BABAM2: variants seen among roughly 807,000 people sequenced by gnomAD.
The protein encoded by BABAM2 is BRISC and BRCA1 A complex member 2, also known as BRISC and BRCA1-A complex member 2.
In BABAM2, 31 loss-of-function variants were observed where a neutral mutation model predicts 54.7. The ratio of observed to expected loss-of-function variants is 0.57; its 90% confidence interval spans 0.43 to 0.77. BABAM2 has a LOEUF of 0.77. Ranked by LOEUF, BABAM2 falls within the 30% of genes least tolerant of loss-of-function variation. BABAM2 has a pLI of 0.00. For missense variants in BABAM2, 364 were observed against 455.8 expected (o/e 0.80, Z 1.83); for synonymous variants, 167 against 162.9 (o/e 1.03, Z -0.19).
chr2:28,073,991 G>A (rs999008916), intron 6 of BABAM2, among the ~76,000 whole-genome samples: 4 of 151,546 alleles, frequency 2.6e-5, no homozygotes, highest in Admixed American at 6.6e-5. Flanking sequence ...ACATAGATAC[G>A]TATATATTTA....
chr2:28,206,234 T>C (rs1678827879), intron 7 of BABAM2, among the ~76,000 whole-genome samples: 1 of 152,094 alleles, frequency 6.6e-6, no homozygotes, highest in South Asian at 2.1e-4. Flanking sequence ...AGGACAGTTA[T>C]TTGCAAAGCT....
At chr2:28,195,227 T>C (rs1677392432) in intron 7 of BABAM2, among the ~76,000 whole-genome samples, 1 of 152,210 alleles carries the variant, frequency 6.6e-6, no homozygotes, top group South Asian at 2.1e-4. Context: ...TCCACAAGAA[T>C]ACTATTAAGA....
chr2:27,908,028 A>G (rs536211364), intron 2 of BABAM2, among the ~76,000 whole-genome samples: 20 of 152,300 alleles, frequency 1.3e-4, no homozygotes, highest in African/African-American at 4.6e-4. Context: ...TTTTGCGTAT[A>G]TACCCAGAAG....
chr2:28,083,964 T>A (rs1665413955), intron 6 of BABAM2, among the ~76,000 whole-genome samples: 1 of 152,224 alleles, frequency 6.6e-6, no homozygotes, highest in African/African-American at 2.4e-5. Flanking sequence ...TACCTAATTT[T>A]AGTAACATTT....
At chr2:27,950,359 A>G (rs1302678436) in intron 3 of BABAM2, among the ~76,000 whole-genome samples, 1 of 152,210 alleles carries the variant, frequency 6.6e-6, no homozygotes, top group Non-Finnish European at 1.5e-5. Flanking sequence ...AAAAAAATCA[A>G]CAATGGATGT....
chr2:28,315,116 G>C (rs933555443), intron 11 of BABAM2, among the ~76,000 whole-genome samples: 8 of 131,374 alleles, frequency 6.1e-5, no homozygotes, highest in Admixed American at 2.3e-4. Flanking sequence ...AGGGGAAAAG[G>C]GGAAGGGAAG....
At chr2:28,204,288 T>C (rs1296915913) in intron 7 of BABAM2, among the ~76,000 whole-genome samples, 1 of 152,146 alleles carries the variant, frequency 6.6e-6, no homozygotes, top group Non-Finnish European at 1.5e-5. Flanking sequence ...TAGAGAAAAA[T>C]GTAATTTTGT....
At position 28,329,831 on chromosome 2, in the gene BABAM2, A is replaced by C. The variant is rs1690794817; in HGVS notation, c.1089-8619A>C. The stretch of plus-strand genomic sequence containing the variant: ...GAGGGACTTCTCCCTAACTCACTTT[A>C]TGAGACCAGCATTATCCTGATACCA... On this transcript the variant is annotated intron_variant, in intron 11 of 11. Coordinates refer to ENST00000379624, the MANE Select transcript of BABAM2 (RefSeq NM_199191.3). The surrounding 1 kb of genome is among the most constrained non-coding windows in gnomAD (Gnocchi z 4.2). Among the ~76,000 whole-genome samples, 1 of 152,244 alleles carries C rather than the reference A, an allele frequency of 6.6e-6. No individual in the cohort carries two copies. The highest frequency in any genetic ancestry group is 2.4e-5 in the African/African-American group (1 of 41,468).
chr2:28,176,770 A>C (rs933475832), intron 7 of BABAM2, among the ~76,000 whole-genome samples: 2 of 150,480 alleles, frequency 1.3e-5, no homozygotes, highest in African/African-American at 2.4e-5. Flanking sequence ...ATGAGCTTCA[A>C]CAGTAGACTA....
chr2:28,070,895 G>A (rs1024662717), intron 6 of BABAM2, among the ~76,000 whole-genome samples: 1 of 152,022 alleles, frequency 6.6e-6, no homozygotes, highest in African/African-American at 2.4e-5. Context: ...AGAAAAAAAG[G>A]TGTTAAATCA....
At chr2:27,952,210 T>C (rs1231420047) in intron 3 of BABAM2, among the ~76,000 whole-genome samples, 1 of 152,244 alleles carries the variant, frequency 6.6e-6, no homozygotes, top group Non-Finnish European at 1.5e-5. Flanking sequence ...TTAGATTTCT[T>C]TTGAGTAGCA....
chr2:28,280,634 G>C lies in BABAM2; in HGVS notation c.935-17704G>C, dbSNP rs114079408. 7.2e-3 allele frequency among the ~76,000 whole-genome samples: 1,096 copies of C among 152,250 alleles called. 9 individuals carry two copies. Among genetic ancestry groups the C allele is most frequent in the African/African-American group, 0.025 (1,040 of 41,546 alleles). ...AGTAAAATATTCCTCTAGACCTGGG[G>C]TTCACACATCCCTCCTCCTGATCCG... On this transcript the variant is annotated intron_variant, in intron 10 of 11. Coordinates refer to ENST00000379624, the MANE Select transcript of BABAM2 (RefSeq NM_199191.3).
intron 8 of BABAM2, among the ~76,000 whole-genome samples, chr2:28,237,730 AT>A (rs1682042519): frequency 6.6e-6 from 1 of 152,020 alleles, no homozygotes; most frequent in Admixed American, 6.6e-5. Context: ...AACTACCTTC[AT>A]CCCTCTCTGT....
chr2:27,889,761 G>T (rs1213601344), upstream of BABAM2, among the ~76,000 whole-genome samples: 1 of 152,152 alleles, frequency 6.6e-6, no homozygotes, highest in Admixed American at 6.5e-5. Flanking sequence ...CAGTCTTTTT[G>T]ATTTCTGCTC....
chr2:27,908,652 T>C (rs1200723505), intron 2 of BABAM2, among the ~76,000 whole-genome samples: 1 of 152,186 alleles, frequency 6.6e-6, no homozygotes, highest in Admixed American at 6.5e-5. Context: ...TTCCCATGTT[T>C]AGGTCCATGT....
chr2:27,980,996 T>C (rs1471089216), intron 3 of BABAM2, among the ~76,000 whole-genome samples: 4 of 152,064 alleles, frequency 2.6e-5, no homozygotes, highest in Admixed American at 6.6e-5. Context: ...TATGAAAATA[T>C]CACATATACC....
chr2:27,944,896 C>G (rs1360860493), intron 3 of BABAM2, among the ~76,000 whole-genome samples: 31 of 151,772 alleles, frequency 2.0e-4, no homozygotes, highest in Non-Finnish European at 1.5e-5. Context: ...TATTGTTGAT[C>G]CATTAGTTTT....
At chr2:27,963,215 A>G (rs571185459) in intron 3 of BABAM2, among the ~76,000 whole-genome samples, 3 of 152,338 alleles carry the variant, frequency 2.0e-5, no homozygotes, top group African/African-American at 4.8e-5. Flanking sequence ...CACGCCTGCA[A>G]TCCCAGCACT....
In BABAM2 at chr2:28,261,422, C is replaced by T. The variant is rs370110766; in HGVS notation, c.934+16560C>T. On this transcript the variant is annotated intron_variant, in intron 10 of 11. Coordinates refer to ENST00000379624, the MANE Select transcript of BABAM2 (RefSeq NM_199191.3). ...TTGGCTTACTGCAAGCTCCACCTCC[C>T]GGGTTCATGGCATTCTCCTGCCTCA... is the stretch of plus-strand genomic sequence containing the variant. Among the ~76,000 whole-genome samples the T allele has an allele frequency of 6.3e-4, 95 of 151,568 alleles. 2 individuals are homozygous for T. The highest frequency in any genetic ancestry group is 2.0e-3 in the African/African-American group (83 of 41,298).
Sources: gnomAD v4.1 joint callset for allele counts (sites outside exome capture counted in the v4.1 genomes callset) on GRCh38, gnomAD v4.1.1 for gene constraint, Gnocchi (gnomAD v3.1) non-coding constraint, MANE v1.5 for transcripts, NCBI Gene and HGNC (gene_info 2026-07-23, HGNC 2026-07-21) for gene names.